The following TMSB15B variants were observed in gnomAD, a reference collection of about 807,000 sequenced individuals.
The protein encoded by TMSB15B is thymosin beta-15B.
intron 1 of TMSB15B, among the ~76,000 whole-genome samples, chrX:103,934,455 A>G: frequency 9.1e-6 from 1 of 110,162 alleles, no homozygotes; most frequent in East Asian, 2.9e-4. Context: ...TCCGTCATCT[A>G]CATTAGGTAT....
intron 1 of TMSB15B, chrX:103,919,314 C>G (rs1393346623): frequency 8.9e-6 from 1 of 112,755 alleles, no homozygotes; most frequent in Non-Finnish European, 1.9e-5. Flanking sequence ...GCTACCCCGT[C>G]GCTTCCCTTC....
intron 1 of TMSB15B, among the ~76,000 whole-genome samples, chrX:103,926,889 C>T (rs1401330510): frequency 2.7e-5 from 3 of 110,333 alleles, no homozygotes; most frequent in Non-Finnish European, 5.7e-5. Context: ...CCCCTCTCCC[C>T]TGTCTTCCTG....
At chrX:103,919,897 G>C (rs1208735893) in intron 1 of TMSB15B, among the ~76,000 whole-genome samples, 1 of 111,353 alleles carries the variant, frequency 9.0e-6, no homozygotes, top group East Asian at 2.8e-4. Context: ...TGTCTGAAGA[G>C]CACTTTTGCA....
At chrX:103,952,547 T>C (rs782629068) in intron 1 of TMSB15B, among the ~76,000 whole-genome samples, 1 of 110,912 alleles carries the variant, frequency 9.0e-6, no homozygotes, top group East Asian at 2.8e-4. Flanking sequence ...GCTTAGACTA[T>C]GGAGGATTAG....
intron 1 of TMSB15B, among the ~76,000 whole-genome samples, chrX:103,946,472 G>A (rs1556327438): frequency 8.9e-6 from 1 of 112,202 alleles, no homozygotes; most frequent in Non-Finnish European, 1.9e-5. Flanking sequence ...ATTTGTATGT[G>A]TGGAAACTTT....
intron 1 of TMSB15B, among the ~76,000 whole-genome samples, chrX:103,948,032 C>A (rs1393501264): frequency 9.0e-6 from 1 of 110,797 alleles, no homozygotes; most frequent in Non-Finnish European, 1.9e-5. Context: ...CACACTGGAG[C>A]CTGTCGGGGA....
chrX:103,950,643 C>T (rs1414492304), intron 1 of TMSB15B, among the ~76,000 whole-genome samples: 2 of 109,468 alleles, frequency 1.8e-5, no homozygotes, highest in Non-Finnish European at 3.8e-5. Flanking sequence ...AAACAATTTA[C>T]TATATATGCT....
chrX:103,938,863 C>A (rs373344082), intron 1 of TMSB15B, among the ~76,000 whole-genome samples: 29 of 111,998 alleles, frequency 2.6e-4, no homozygotes, highest in African/African-American at 9.1e-4. Context: ...TGACAAAATT[C>A]CTTAGCATTT....
At chrX:103,939,237 C>T (rs1370294217) in intron 1 of TMSB15B, among the ~76,000 whole-genome samples, 1 of 111,338 alleles carries the variant, frequency 9.0e-6, no homozygotes, top group African/African-American at 3.3e-5. Context: ...TGGATATTAT[C>T]GTGAAGTGTG....
chrX:103,939,807 G>T (rs1209935670), intron 1 of TMSB15B, among the ~76,000 whole-genome samples: 1 of 111,597 alleles, frequency 9.0e-6, no homozygotes. Flanking sequence ...TCTACCTTTC[G>T]TCTTTGCTGT....
intron 1 of TMSB15B, among the ~76,000 whole-genome samples, chrX:103,943,337 C>A (rs1478901237): frequency 1.8e-5 from 2 of 112,031 alleles, no homozygotes; most frequent in African/African-American, 6.5e-5. Flanking sequence ...CCCAGATTGT[C>A]ATGCACATAG....
intron 1 of TMSB15B, among the ~76,000 whole-genome samples, chrX:103,936,161 A>C (rs1229902542): frequency 1.8e-5 from 2 of 111,606 alleles, no homozygotes; most frequent in Non-Finnish European, 3.8e-5. Context: ...ATGAAATTTA[A>C]AGTAGTTGTT....
intron 1 of TMSB15B, among the ~76,000 whole-genome samples, chrX:103,944,477 C>T (rs1320225042): frequency 8.9e-6 from 1 of 112,293 alleles, no homozygotes; most frequent in Admixed American, 9.4e-5. Flanking sequence ...GGAACTCAAA[C>T]ATTTTGGGTT....
chrX:103,933,686 T>A (rs2074990194), intron 1 of TMSB15B, among the ~76,000 whole-genome samples: 1 of 112,010 alleles, frequency 8.9e-6, no homozygotes, highest in African/African-American at 3.2e-5. Context: ...TCACTCCACA[T>A]TGCTTGTGAT....
At chrX:103,954,211 G>A (rs1395101246) in intron 1 of TMSB15B, among the ~76,000 whole-genome samples, 1 of 112,317 alleles carries the variant, frequency 8.9e-6, no homozygotes, top group African/African-American at 3.2e-5. Context: ...AGCTCAACAT[G>A]CCCCATAAGA....
intron 1 of TMSB15B, among the ~76,000 whole-genome samples, chrX:103,951,961 A>G (rs1180749): frequency 0.38 from 41,803 of 110,435 alleles, 5,780 homozygotes; most frequent in Admixed American, 0.53. Context: ...ACAAGAGCTA[A>G]GGTATGGCTA....
intron 1 of TMSB15B, chrX:103,932,183 A>AC (rs2074986512): frequency 8.9e-6 from 1 of 112,119 alleles, no homozygotes; most frequent in Non-Finnish European, 1.9e-5. Flanking sequence ...GGTCATGTGA[A>AC]CCGAAACTTG....
At chrX:103,938,313 T>C (rs1556322671) in intron 1 of TMSB15B, among the ~76,000 whole-genome samples, 1 of 112,005 alleles carries the variant, frequency 8.9e-6, no homozygotes, top group East Asian at 2.8e-4. Context: ...TCTTTGTAGG[T>C]CTCTAAGAAC....
intron 1 of TMSB15B, among the ~76,000 whole-genome samples, chrX:103,936,337 T>C (rs1274252048): frequency 1.8e-5 from 2 of 111,766 alleles, no homozygotes; most frequent in Non-Finnish European, 3.8e-5. Flanking sequence ...TGAGCAGTGG[T>C]TTGTAGTTCT....
Sources: gnomAD v4.1 joint callset for allele counts (sites outside exome capture counted in the v4.1 genomes callset) on GRCh38, gnomAD v4.1.1 for gene constraint, MANE v1.5 for transcripts, NCBI Gene and HGNC (gene_info 2026-07-23, HGNC 2026-07-21) for gene names.